PHLDB1: variants seen among roughly 807,000 people sequenced by gnomAD.
The protein encoded by PHLDB1 is pleckstrin homology-like domain family B member 1.
A neutral mutation model predicts 139.3 loss-of-function variants in PHLDB1; 65 were observed. That is an observed-to-expected ratio of 0.47 (90% CI 0.38 to 0.57). PHLDB1 has a LOEUF of 0.57. PHLDB1 is among the 20% of genes least tolerant of loss of function. The probability of loss-of-function intolerance (pLI) is 0.00; values close to 1 mark genes in which losing one functional copy is unlikely to be tolerated. For missense variants in PHLDB1, 1,624 were observed against 1,839.7 expected (o/e 0.88, Z 2.14); for synonymous variants, 679 against 734.5 (o/e 0.92, Z 1.22).
rs1254854683 is a variant in PHLDB1 at position 118,608,964 on chromosome 11, CAT to C, written c.-22+1266_-22+1267del. ...CCAGCTCACACACGTACCCGTCACA[CAT>C]GAGGCCCCAGCTCACACACGAAGCC... On this transcript the variant is annotated intron_variant, in intron 1 of 22. Coordinates refer to ENST00000600882, the MANE Select transcript of PHLDB1 (RefSeq NM_001144758.3). This position sits in a 1 kb window ranked among gnomAD's most constrained non-coding sequence, Gnocchi z 6.7. Among the ~76,000 whole-genome samples, 4 of 150,242 alleles carry C rather than the reference CAT, an allele frequency of 2.7e-5. No homozygotes were observed. Among genetic ancestry groups the C allele is most frequent in the African/African-American group, 4.9e-5 (2 of 40,766 alleles).
chr11:118,647,771 C>A, intron 17 of PHLDB1, 159 bp from the exon 18 acceptor site: 1 of 716,714 alleles, frequency 1.4e-6, no homozygotes, highest in Non-Finnish European at 2.2e-6. Flanking sequence ...TTCTCTTTAA[C>A]CAGCCAGGGC....
At chr11:118,625,207 T>C (rs1478769745) in intron 5 of PHLDB1, 148 bp downstream of exon 5, 1 of 939,096 alleles carries the variant, frequency 1.1e-6, no homozygotes, top group African/African-American at 1.7e-5. Context: ...GGGTGGAGAA[T>C]GCCAGGCAGT....
intron 9 of PHLDB1, chr11:118,634,644 C>G (rs1945312880): frequency 4.9e-6 from 1 of 206,042 alleles, no homozygotes; most frequent in Non-Finnish European, 1.0e-5. Flanking sequence ...CTCTGACTGC[C>G]GTGTTACCTT....
intron 12 of PHLDB1, 131 bp from the exon 13 acceptor site, chr11:118,642,123 C>A (rs782305342): frequency 3.9e-6 from 3 of 770,352 alleles, no homozygotes; most frequent in Admixed American, 4.0e-5. Context: ...TCCTTTTTAA[C>A]CTTCCCCTTC....
In PHLDB1 at chr11:118,645,941, TC is replaced by T; in HGVS notation, c.3507+119del. ...TCCACCCACATTAGCCTTGCCACAT[TC>T]CCTTGGGGTAGAAAATGTTTTAAAA... On this transcript the variant is annotated intron_variant, in intron 17 of 22. Transcript: ENST00000600882. This position sits in a 1 kb window ranked among gnomAD's most constrained non-coding sequence, Gnocchi z 5.1. The T allele has an allele frequency of 1.3e-6, 1 of 746,248 alleles. No individual in the cohort carries two copies. Among genetic ancestry groups the T allele is most frequent in the Non-Finnish European group, 2.4e-6 (1 of 413,418 alleles). The allele number at this position is 746,248 out of a possible 1,614,324, so 46.2% of individuals were successfully genotyped here. A position where few individuals can be genotyped will look rare whatever the true frequency, so the allele number is the denominator to read the frequency against.
In PHLDB1 at chr11:118,631,210, C is replaced by A. The variant is rs782300228; in HGVS notation, c.1831C>A (p.Arg611Ser). The change falls in exon 7 of 23, where the codon CGC (arginine) becomes AGC (serine). Residue 611 changes from arginine (R) to serine (S), a missense_variant. Arg to Ser is a moderately radical substitution (Grantham distance 110, BLOSUM62 -1). Coordinates refer to ENST00000600882, the MANE Select transcript of PHLDB1 (RefSeq NM_001144758.3). ...CTGCTCTGTCCATCCTCCCCAGGAA[C>A]GCCAGCGCCTGGAGACCATCCTGAA... is the stretch of plus-strand genomic sequence containing the variant. ...LREQEMERLE[R>S]QRLETILNLC... The A allele has an allele frequency of 7.0e-7, 1 of 1,423,292 alleles. No individual in the cohort carries two copies. Among genetic ancestry groups the A allele is most frequent in the Non-Finnish European group, 9.2e-7 (1 of 1,084,132 alleles). The allele number at this position is 1,423,292 out of a possible 1,614,324, so 88.2% of individuals were successfully genotyped here.
intron 9 of PHLDB1, chr11:118,634,989 C>A (rs1282221845): frequency 1.1e-5 from 5 of 464,616 alleles, no homozygotes; most frequent in African/African-American, 9.9e-5. Context: ...CGCCGAGCTC[C>A]AGACGCAGCT....
rs7389 is a variant in PHLDB1 at position 118,657,756 on chromosome 11, T to G, written c.*933T>G. 0.32 allele frequency: 50,687 copies of G among 158,626 alleles called. 8,458 individuals carry two copies. Among genetic ancestry groups the G allele is most frequent in the Admixed American group, 0.43 (7,247 of 16,748 alleles). 9.8% of individuals were successfully genotyped at this position (158,626 alleles called of 1,614,324 possible). ...CAGGGAAAGAGGATTCCTCCAATGC[T>G]CCTAGAGAGAAAGCCTGAGCAGGAG... On this transcript the variant is annotated 3_prime_UTR_variant, in exon 23 of 23. Transcript: ENST00000600882.
chr11:118,607,914 G>A (rs1436163938), intron 1 of PHLDB1, among the ~76,000 whole-genome samples: 1 of 152,078 alleles, frequency 6.6e-6, no homozygotes. Context: ...TCTTGCTTTT[G>A]CCTTCCTCGG....
intron 9 of PHLDB1, chr11:118,635,098 A>G (rs1461674647): frequency 6.3e-6 from 3 of 477,790 alleles, no homozygotes; most frequent in South Asian, 3.7e-5. Context: ...GCCACGCCCC[A>G]GAAGGAAGAG....
At chr11:118,635,671 G>A (rs1317520306) in intron 10 of PHLDB1, 123 bp downstream of exon 10, 1 of 869,774 alleles carries the variant, frequency 1.1e-6, no homozygotes, top group South Asian at 2.1e-5. Context: ...TGTAAAATGA[G>A]AATTACAACA....
intron 12 of PHLDB1, chr11:118,641,904 G>A (rs999738363): frequency 2.4e-5 from 17 of 711,428 alleles, no homozygotes; most frequent in Non-Finnish European, 3.1e-5. Flanking sequence ...CCCAGTGCCT[G>A]CAGGCTCTGT....
At position 118,656,988 on chromosome 11, in the gene PHLDB1, C is replaced by T. The variant is rs1222817596; in HGVS notation, c.*165C>T. The stretch of plus-strand genomic sequence containing the variant: ...TTTGCTGCCTCCTGGGAGCCCAGAA[C>T]TTGCAGTAACCCTTTAGGGTCCTGC... On this transcript the variant is annotated 3_prime_UTR_variant, in exon 23 of 23. Coordinates refer to ENST00000600882, the MANE Select transcript of PHLDB1 (RefSeq NM_001144758.3). The T allele has an allele frequency of 6.9e-5, 42 of 608,470 alleles. No individual in the cohort carries two copies. The African/African-American group carries it at 7.2e-4, about 10-fold the overall frequency. The allele number at this position is 608,470 out of a possible 1,614,324, so 37.7% of individuals were successfully genotyped here.
In PHLDB1 at chr11:118,611,850, T is replaced by TAATAAA. The variant is rs150215858; in HGVS notation, c.-21-1964_-21-1963insTAAAAA. On this transcript the variant is annotated intron_variant, in intron 1 of 22. Coordinates refer to ENST00000600882, the MANE Select transcript of PHLDB1 (RefSeq NM_001144758.3). This position sits in a 1 kb window ranked among gnomAD's most constrained non-coding sequence, Gnocchi z 4.7. ...AAAAAAAAAATAATAATAATAATAA[T>TAATAAA]AAATGGCATTAAGTGCTTTGCTTTC... 6.7e-6 allele frequency among the ~76,000 whole-genome samples: 1 copy of TAATAAA among 150,136 alleles called. No individual in the cohort carries two copies. Among genetic ancestry groups the TAATAAA allele is most frequent in the Non-Finnish European group, 1.5e-5 (1 of 67,612 alleles).
chr11:118,622,836 C>T (rs1370210268), intron 4 of PHLDB1, among the ~76,000 whole-genome samples: 6 of 152,130 alleles, frequency 3.9e-5, no homozygotes, highest in African/African-American at 1.4e-4. Flanking sequence ...TTATTTATTC[C>T]AGTTTTGAAT....
rs1372191503 is a variant in PHLDB1, at chr11:118,655,530, C to T, written c.3875-75C>T. Reference sequence around the variant, plus strand: ...CATTTCCCAGATTTGGAAGCTCAGGCCATGGAGCTCCACGTAAATGGAGCT... The same window carrying T: ...CATTTCCCAGATTTGGAAGCTCAGGTCATGGAGCTCCACGTAAATGGAGCT... On this transcript the variant is annotated intron_variant, in intron 20 of 22. Coordinates refer to ENST00000600882, the MANE Select transcript of PHLDB1 (RefSeq NM_001144758.3). The T allele has an allele frequency of 4.5e-6, 4 of 898,444 alleles. No individual in the cohort carries two copies. In the African/African-American group the frequency reaches 6.5e-5, roughly 15 times the overall value. 55.7% of individuals were successfully genotyped at this position (898,444 alleles called of 1,614,324 possible). A position where few individuals can be genotyped will look rare whatever the true frequency, so the allele number is the denominator to read the frequency against.
rs1360994884 is a variant in PHLDB1 at position 118,610,270 on chromosome 11, C to A, written c.-22+2571C>A. 6.2e-6 allele frequency: 1 copy of A among 160,024 alleles called. No homozygotes were observed. Among genetic ancestry groups the A allele is most frequent in the African/African-American group, 2.4e-5 (1 of 41,554 alleles). The allele number at this position is 160,024 out of a possible 1,614,324, so 9.9% of individuals were successfully genotyped here. A position where few individuals can be genotyped will look rare whatever the true frequency, so the allele number is the denominator to read the frequency against. On this transcript the variant is annotated intron_variant, in intron 1 of 22. Coordinates refer to ENST00000600882, the MANE Select transcript of PHLDB1 (RefSeq NM_001144758.3). This position sits in a 1 kb window ranked among gnomAD's most constrained non-coding sequence, Gnocchi z 8.7. ...CCCGCCCCGTCCCTCTGCACACCCC[C>A]ATTCATCTCTGTCAGGTTTTTCTCA... is the stretch of plus-strand genomic sequence containing the variant.
intron 4 of PHLDB1, among the ~76,000 whole-genome samples, chr11:118,623,116 C>A (rs568452332): frequency 6.6e-6 from 1 of 152,192 alleles, no homozygotes; most frequent in African/African-American, 2.4e-5. Context: ...CTTGCCCTTG[C>A]GGCCTGCCTG....
chr11:118,639,057 T>C, intron 11 of PHLDB1, 56 bp downstream of exon 11: 1 of 1,557,644 alleles, frequency 6.4e-7, no homozygotes, highest in Non-Finnish European at 8.9e-7. Flanking sequence ...GGGAGGGGAG[T>C]GCAGAAGGAC....
Sources: gnomAD v4.1 joint callset for allele counts (sites outside exome capture counted in the v4.1 genomes callset) on GRCh38, gnomAD v4.1.1 for gene constraint, Gnocchi (gnomAD v3.1) non-coding constraint, MANE v1.5 for transcripts, NCBI Gene and HGNC (gene_info 2026-07-23, HGNC 2026-07-21) for gene names.